The following RGMA variants were observed in gnomAD, a reference collection of about 807,000 sequenced individuals.
RGMA encodes the protein repulsive guidance molecule A.
In RGMA, 10 loss-of-function variants were observed where a neutral mutation model predicts 23.2. That is an observed-to-expected ratio of 0.43 (90% CI 0.27 to 0.73). RGMA has a LOEUF of 0.73. Ranked by LOEUF, RGMA falls within the 30% of genes least tolerant of loss-of-function variation. The pLI is 0.20. For synonymous variants in RGMA, 308 were observed against 279.3 expected, an observed-to-expected ratio of 1.10 and a Z score of -1.03; for missense variants, 547 against 630.5, an observed-to-expected ratio of 0.87 and a Z score of 1.42.
rs889459187 is a variant in RGMA at position 93,036,348 on chromosome 15, C to G, written c.*8650G>C. On this transcript the variant is annotated 3_prime_UTR_variant, in exon 4 of 4. Coordinates refer to ENST00000329082, the MANE Select transcript of RGMA (RefSeq NM_020211.3). ...AAGGACTCCTCTTGTTTTATGCAAC[C>G]AACACCCACCCTGGGGCACTTGCCT... 2 of 152,258 alleles carry G rather than the reference C, an allele frequency of 1.3e-5. No individual in the cohort carries two copies. Among genetic ancestry groups the G allele is most frequent in the Non-Finnish European group, 2.9e-5 (2 of 68,058 alleles). 9.4% of individuals were successfully genotyped at this position (152,258 alleles called of 1,614,324 possible). A position where few individuals can be genotyped will look rare whatever the true frequency, so the allele number is the denominator to read the frequency against.
Position 93,044,973 on chromosome 15 carries a change from C to A in RGMA, c.*25G>T. On this transcript the variant is annotated 3_prime_UTR_variant, in exon 4 of 4. Coordinates refer to ENST00000329082, the MANE Select transcript of RGMA (RefSeq NM_020211.3). ...ATGGGGAAGCCGAGAGGACGGAGCC[C>A]GCGCCTCCCTCCACATCTACGCGTC... 6.5e-7 allele frequency: 1 copy of A among 1,547,822 alleles called. No homozygotes were observed. Among genetic ancestry groups the A allele is most frequent in the East Asian group, 2.3e-5 (1 of 42,998 alleles).
chr15:93,072,938 G>T lies in RGMA; in HGVS notation c.108C>A (p.Phe36Leu). 6.2e-7 allele frequency: 1 copy of T among 1,608,350 alleles called. No homozygotes were observed. The highest frequency in any genetic ancestry group is 8.5e-7 in the Non-Finnish European group (1 of 1,177,972). The part of the protein sequence containing the change: ...SALGFWPTLA[F>L]LLCSFPAATS... ...TACCTGCGGGGAAGCTGCAGAGAAG[G>T]AAGGCGAGGGTCGGCCAGAATCCCA... Residue 36 changes from phenylalanine to leucine, a missense_variant, in exon 2 of 4, where the codon TTC (phenylalanine) becomes TTA (leucine). By Grantham distance (22) the Phe-to-Leu change is conservative. Around this residue, in one of 3 missense-constraint regions of RGMA, gnomAD observed 214 missense variants for 234.7 expected, o/e 0.91. Transcript: ENST00000329082.
intron 1 of RGMA, among the ~76,000 whole-genome samples, chr15:93,079,988 A>C (rs1322686172): frequency 6.6e-6 from 1 of 152,130 alleles, no homozygotes; most frequent in Admixed American, 6.5e-5. Flanking sequence ...TGTGTAAAGA[A>C]TATCACCTGA....
At chr15:93,088,685 C>T in intron 1 of RGMA, 1 of 803,958 alleles carries the variant, frequency 1.2e-6, no homozygotes. Context: ...GCGCTGGCGG[C>T]TGCCCGGGGG....
At chr15:93,060,868 TC>T (rs2141824671) in intron 2 of RGMA, among the ~76,000 whole-genome samples, 1 of 152,316 alleles carries the variant, frequency 6.6e-6, no homozygotes, top group South Asian at 2.1e-4. Context: ...TCCCAGGACT[TC>T]CCCTGGCCCT....
intron 1 of RGMA, chr15:93,073,706 G>A: frequency 6.5e-7 from 1 of 1,537,226 alleles, no homozygotes; most frequent in South Asian, 1.2e-5. Flanking sequence ...CTGCATCTCA[G>A]CTACTAACGC....
At chr15:93,073,212 T>G in intron 1 of RGMA, 181 bp from the exon 2 acceptor site, 7 of 1,139,832 alleles carry the variant, frequency 6.1e-6, no homozygotes, top group Admixed American at 4.9e-5. Context: ...CATCACTCGG[T>G]TCTCCGCCAA....
At position 93,042,013 on chromosome 15, in the gene RGMA, A is replaced by C. The variant is rs2054730223; in HGVS notation, c.*2985T>G. 6.6e-6 allele frequency: 1 copy of C among 152,292 alleles called. No homozygotes were observed. Among genetic ancestry groups the C allele is most frequent in the Non-Finnish European group, 1.5e-5 (1 of 68,094 alleles). The allele number at this position is 152,292 out of a possible 1,614,324, so 9.4% of individuals were successfully genotyped here. On this transcript the variant is annotated 3_prime_UTR_variant, in exon 4 of 4. Transcript: ENST00000329082. ...CACCATCTCTACTAAAATACAAAAA[A>C]TTAGCCAGGCGTGGTGGTGTGTGCC... is the stretch of plus-strand genomic sequence containing the variant.
chr15:93,036,884 C>G lies in RGMA; in HGVS notation c.*8114G>C, dbSNP rs185317207. On this transcript the variant is annotated 3_prime_UTR_variant, in exon 4 of 4. Coordinates refer to ENST00000329082, the MANE Select transcript of RGMA (RefSeq NM_020211.3). ...GTCCGTCTGTAAACCAGGGCAATAT[C>G]TGCTTTCTAGGGTTTTTGTGAAATT... 6.6e-6 allele frequency: 1 copy of G among 152,274 alleles called. No homozygotes were observed. Among genetic ancestry groups the G allele is most frequent in the Non-Finnish European group, 1.5e-5 (1 of 68,058 alleles). 9.4% of individuals were successfully genotyped at this position (152,274 alleles called of 1,614,324 possible).
At chr15:93,082,537 C>T (rs997163604) in intron 1 of RGMA, among the ~76,000 whole-genome samples, 2 of 152,220 alleles carry the variant, frequency 1.3e-5, no homozygotes, top group East Asian at 3.8e-4. Context: ...TCCCACCAAA[C>T]TACAGCTGCT....
chr15:93,067,633 C>T (rs554344298), intron 2 of RGMA, among the ~76,000 whole-genome samples: 2 of 151,980 alleles, frequency 1.3e-5, no homozygotes, highest in Non-Finnish European at 2.9e-5. Context: ...CAGAGCAATG[C>T]CTTAGAGTGG....
intron 1 of RGMA, among the ~76,000 whole-genome samples, chr15:93,082,482 G>T (rs914779938): frequency 2.6e-5 from 4 of 152,196 alleles, no homozygotes; most frequent in Non-Finnish European, 5.9e-5. Context: ...AAGCAGCCGT[G>T]CAGAGGCTCA....
chr15:93,060,269 C>A (rs936745397), intron 2 of RGMA, among the ~76,000 whole-genome samples: 2 of 152,218 alleles, frequency 1.3e-5, no homozygotes, highest in Admixed American at 1.3e-4. Context: ...AGACACAGAG[C>A]TTTATGCCCC....
intron 1 of RGMA, chr15:93,073,809 C>A: frequency 2.0e-6 from 3 of 1,530,930 alleles, no homozygotes; most frequent in East Asian, 4.9e-5. Context: ...CTCGCTGCTT[C>A]CTGAAGACTT....
chr15:93,065,941 C>A (rs1411989936), intron 2 of RGMA: 4 of 780,678 alleles, frequency 5.1e-6, no homozygotes, highest in East Asian at 2.6e-5. Flanking sequence ...AAACCACCGT[C>A]GGTAGAAGAA....
intron 1 of RGMA, among the ~76,000 whole-genome samples, chr15:93,074,837 C>G (rs1423340867): frequency 1.3e-5 from 2 of 152,228 alleles, no homozygotes; most frequent in African/African-American, 4.8e-5. Flanking sequence ...CAGAGGTGAC[C>G]AAGTGGCCTT....
At chr15:93,071,732 C>T (rs563835895) in intron 2 of RGMA, among the ~76,000 whole-genome samples, 2 of 152,384 alleles carry the variant, frequency 1.3e-5, no homozygotes, top group Admixed American at 1.3e-4. Flanking sequence ...TTCCTTGAAA[C>T]CCAGTTGGCG....
intron 1 of RGMA, chr15:93,073,673 C>A (rs1267229998): frequency 1.3e-6 from 2 of 1,537,264 alleles, no homozygotes; most frequent in South Asian, 2.4e-5. Context: ...TCCGAGTTGT[C>A]TAGGTCTGGG....
intron 2 of RGMA, among the ~76,000 whole-genome samples, chr15:93,064,477 C>A (rs1895075115): frequency 6.6e-6 from 1 of 152,194 alleles, no homozygotes; most frequent in African/African-American, 2.4e-5. Flanking sequence ...TTTTCTCCCT[C>A]AATGCTGCCG....
Sources: gnomAD v4.1 joint callset for allele counts (sites outside exome capture counted in the v4.1 genomes callset) on GRCh38, gnomAD v4.1.1 for gene constraint, gnomAD v4.1.1 regional missense constraint, MANE v1.5 for transcripts, NCBI Gene and HGNC (gene_info 2026-07-23, HGNC 2026-07-21) for gene names.